Variants in ADAMTS20 observed in about 807,000 individuals in gnomAD.
The protein encoded by ADAMTS20 is ADAM metallopeptidase with thrombospondin type 1 motif 20, also known as A disintegrin and metalloproteinase with thrombospondin motifs 20.
A neutral mutation model predicts 260.1 loss-of-function variants in ADAMTS20; 225 were observed. The ratio of observed to expected loss-of-function variants is 0.87; its 90% CI spans 0.78 to 0.97. The LOEUF (loss-of-function observed/expected upper bound fraction) is 0.97, where lower values mean the gene tolerates loss of function less well. Among genes scored for constraint, ADAMTS20 ranks in the 50% least tolerant of loss-of-function variants. The probability of loss-of-function intolerance (pLI) is 0.00; values close to 1 mark genes in which losing one functional copy is unlikely to be tolerated. For missense variants in ADAMTS20, 2,400 were observed against 2,337.7 expected, an observed-to-expected ratio of 1.03 and a Z score of -0.55; for synonymous variants, 802 against 769.5, an observed-to-expected ratio of 1.04 and a Z score of -0.70.
rs1475168041 is a variant in ADAMTS20 at position 43,399,716 on chromosome 12, A to AT, written c.4285-484dup. ...AACTGATTGAGAAAGCAGAAAGTTT[A>AT]TTTTTTTAACAGCATTTCAGTTCAG... On this transcript the variant is annotated intron_variant, in intron 28 of 38. Coordinates refer to ENST00000389420, the MANE Select transcript of ADAMTS20 (RefSeq NM_025003.5). Among the ~76,000 whole-genome samples, 6 of 152,250 alleles carry AT rather than the reference A, an allele frequency of 3.9e-5. 1 individual carries two copies. The highest frequency in any genetic ancestry group is 1.2e-4 in the African/African-American group (5 of 41,568).
At position 43,458,435 on chromosome 12, in the gene ADAMTS20, T is replaced by C. The variant is rs967401331; in HGVS notation, c.1615-4383A>G. Among the ~76,000 whole-genome samples the C allele has an allele frequency of 3.3e-5, 5 of 152,206 alleles. No homozygotes were observed. The East Asian group carries it at 9.6e-4, about 29-fold the overall frequency. On this transcript the variant is annotated intron_variant, in intron 11 of 38. Transcript: ENST00000389420. ...GTTACTTCTTATAAGTCTCTTTCTC[T>C]CTTCACTTCACTCCAGCTAAAATGT...
At chr12:43,382,681 GA>G (rs1387355187) in intron 31 of ADAMTS20, among the ~76,000 whole-genome samples, 2 of 151,274 alleles carry the variant, frequency 1.3e-5, no homozygotes, top group Admixed American at 6.6e-5. Flanking sequence ...AAAAATTCAA[GA>G]AAAAAATAAA....
chr12:43,420,656 A>T (rs1414651854), intron 28 of ADAMTS20, among the ~76,000 whole-genome samples: 1 of 152,012 alleles, frequency 6.6e-6, no homozygotes, highest in Non-Finnish European at 1.5e-5. Flanking sequence ...AATGGGAGCT[A>T]CAGGGGGAGG....
At chr12:43,469,406 A>G (rs1942212745) in intron 7 of ADAMTS20, among the ~76,000 whole-genome samples, 1 of 152,184 alleles carries the variant, frequency 6.6e-6, no homozygotes. Flanking sequence ...TGGACACCAA[A>G]GACAGCAATA....
chr12:43,446,709 C>A lies in ADAMTS20; in HGVS notation c.2083G>T (p.Ala695Ser), dbSNP rs367883015. 1.2e-6 allele frequency: 2 copies of A among 1,612,218 alleles called. No individual in the cohort carries two copies. The highest frequency in any genetic ancestry group is 3.3e-5 in the Admixed American group (2 of 59,828). ...GAGTTTAACACGTGATCACAACCAG[C>A]TGCCTTCAAGACACAATTACAATCA... ...DICVQGQCMA[A>S]GCDHVLNSSA... Residue 695 changes from alanine to serine, a missense_variant, in exon 15 of 39, where the codon GCT (alanine) becomes TCT (serine). By Grantham distance (99) the Ala-to-Ser change is moderately conservative (BLOSUM62 1). Transcript: ENST00000389420.
intron 2 of ADAMTS20, among the ~76,000 whole-genome samples, chr12:43,546,752 A>G (rs1001678029): frequency 2.0e-5 from 3 of 152,200 alleles, no homozygotes; most frequent in Non-Finnish European, 4.4e-5. Context: ...CCATTACATT[A>G]CTTATAGATA....
chr12:43,414,203 T>C (rs1196368803), intron 28 of ADAMTS20, among the ~76,000 whole-genome samples: 1 of 152,162 alleles, frequency 6.6e-6, no homozygotes, highest in Admixed American at 6.5e-5. Flanking sequence ...TTTTCTCTCC[T>C]AAAAAGTTTG....
intron 3 of ADAMTS20, among the ~76,000 whole-genome samples, chr12:43,526,480 C>G (rs1943145373): frequency 6.6e-6 from 1 of 152,014 alleles, no homozygotes; most frequent in African/African-American, 2.4e-5. Context: ...GGAATCATAT[C>G]AAATATCTTC....
chr12:43,391,484 T>C (rs911205748), intron 29 of ADAMTS20, among the ~76,000 whole-genome samples: 3 of 152,160 alleles, frequency 2.0e-5, no homozygotes, highest in Non-Finnish European at 4.4e-5. Flanking sequence ...CAAAATTAAG[T>C]AGTAAAGCCA....
intron 2 of ADAMTS20, among the ~76,000 whole-genome samples, chr12:43,535,287 C>T (rs1424927216): frequency 6.6e-6 from 1 of 152,044 alleles, no homozygotes; most frequent in African/African-American, 2.4e-5. Context: ...ATTTGTTAAA[C>T]CGTGAAAGCT....
rs372244450 is a variant in ADAMTS20 at position 43,440,086 on chromosome 12, C to CAT, written c.2291-19_2291-18dup. Reference sequence around the variant, plus strand: ...CAGATAATGCTGTAAAAGAATAAAGCATAACTCATGAAATAGTAACACCAA... The same window carrying CAT: ...CAGATAATGCTGTAAAAGAATAAAGCATATAACTCATGAAATAGTAACACCAA... On this transcript the variant is annotated splice_polypyrimidine_tract_variant and intron_variant, in intron 16 of 38. Transcript: ENST00000389420. The CAT allele has an allele frequency of 3.5e-4, 539 of 1,526,764 alleles. 1 individual carries two copies. The African/African-American group carries it at 6.6e-3, about 19-fold the overall frequency. The allele number at this position is 1,526,764 out of a possible 1,614,324, so 94.6% of individuals were successfully genotyped here.
At chr12:43,412,724 A>T (rs1253214299) in intron 28 of ADAMTS20, among the ~76,000 whole-genome samples, 2 of 152,148 alleles carry the variant, frequency 1.3e-5, no homozygotes, top group Non-Finnish European at 1.5e-5. Flanking sequence ...CTAGATGTGA[A>T]AATTCTCCTA....
intron 7 of ADAMTS20, among the ~76,000 whole-genome samples, chr12:43,470,744 G>C (rs1942240938): frequency 6.6e-6 from 1 of 152,148 alleles, no homozygotes; most frequent in South Asian, 2.1e-4. Context: ...AACGTAAATG[G>C]AGATATAACA....
chr12:43,425,634 G>A lies in ADAMTS20; in HGVS notation c.4164C>T (p.Pro1388=). ...IKSRLVICQF[P]NGQILEDHNC... ...TGTGATCTTCTAATATTTGGCCATT[G>A]GGAAATTGACATATTACAAGTCTTG... is the stretch of plus-strand genomic sequence containing the variant. The change falls in exon 28 of 39, where the codon CCC becomes CCT. Residue 1388 remains proline, a synonymous_variant. Transcript: ENST00000389420. The A allele has an allele frequency of 1.9e-6, 3 of 1,609,960 alleles. No individual in the cohort carries two copies. The highest frequency in any genetic ancestry group is 1.7e-6 in the Non-Finnish European group (2 of 1,177,504).
At chr12:43,501,494 C>CAT (rs1555137782) in intron 4 of ADAMTS20, among the ~76,000 whole-genome samples, 2 of 151,342 alleles carry the variant, frequency 1.3e-5, no homozygotes, top group Non-Finnish European at 2.9e-5. Flanking sequence ...CACACACACA[C>CAT]ACACACACAT....
At chr12:43,503,504 T>A (rs1281455043) in intron 3 of ADAMTS20, among the ~76,000 whole-genome samples, 2 of 152,258 alleles carry the variant, frequency 1.3e-5, no homozygotes, top group South Asian at 2.1e-4. Flanking sequence ...GACATTAAGT[T>A]TCCACAGATG....
intron 2 of ADAMTS20, among the ~76,000 whole-genome samples, chr12:43,538,176 T>C (rs1428949602): frequency 6.6e-6 from 1 of 152,186 alleles, no homozygotes; most frequent in African/African-American, 2.4e-5. Flanking sequence ...CTGACCAGCA[T>C]TTGTTATTGC....
At chr12:43,477,211 C>G (rs771781456) in intron 7 of ADAMTS20, among the ~76,000 whole-genome samples, 15 of 151,946 alleles carry the variant, frequency 9.9e-5, no homozygotes, top group Non-Finnish European at 1.5e-4. Context: ...TAATTGGGGA[C>G]TAGAAGACCA....
intron 28 of ADAMTS20, among the ~76,000 whole-genome samples, chr12:43,419,432 C>A (rs930388570): frequency 6.6e-6 from 1 of 151,984 alleles, no homozygotes; most frequent in Non-Finnish European, 1.5e-5. Flanking sequence ...GTTTCTATAA[C>A]AAAAATTTGG....
Sources: gnomAD v4.1 joint callset for allele counts (sites outside exome capture counted in the v4.1 genomes callset) on GRCh38, gnomAD v4.1.1 for gene constraint, MANE v1.5 for transcripts, NCBI Gene and HGNC (gene_info 2026-07-23, HGNC 2026-07-21) for gene names.